NFIB: variants seen among roughly 807,000 people sequenced by gnomAD.
The protein encoded by NFIB is nuclear factor I B.
Under a neutral mutation model 61.5 loss-of-function variants are expected in NFIB, and 11 were observed. The observed-to-expected ratio is 0.18, with a 90% confidence interval of 0.11 to 0.30. NFIB has a LOEUF of 0.30. NFIB is among the 10% of genes least tolerant of loss of function. NFIB has a pLI of 1.00. For missense variants in NFIB, 471 were observed against 608.9 expected, an observed-to-expected ratio of 0.77 and a Z score of 2.38; for synonymous variants, 260 against 216.5, an observed-to-expected ratio of 1.20 and a Z score of -1.76.
chr9:14,461,474 C>G, the NFIB span, among the ~76,000 whole-genome samples: 3 of 152,188 alleles, frequency 2.0e-5, no homozygotes, highest in African/African-American at 7.2e-5. Flanking sequence ...CCTCTATCAG[C>G]AGCAGGCAGG....
chr9:14,365,838 T>C (rs1408034622), intron 1 of NFIB, among the ~76,000 whole-genome samples: 1 of 152,106 alleles, frequency 6.6e-6, no homozygotes, highest in Non-Finnish European at 1.5e-5. Context: ...TGATCTAACG[T>C]GAGACCAAAA....
At chr9:14,108,857 G>C (rs1307663614) in intron 10 of NFIB, among the ~76,000 whole-genome samples, 1 of 152,042 alleles carries the variant, frequency 6.6e-6, no homozygotes, top group Non-Finnish European at 1.5e-5. Flanking sequence ...ATACATCAAA[G>C]GTTAATATGT....
At chr9:14,478,020 T>G in the NFIB span, among the ~76,000 whole-genome samples, 1 of 152,124 alleles carries the variant, frequency 6.6e-6, no homozygotes, top group Non-Finnish European at 1.5e-5. Context: ...CTACATATTT[T>G]CAAAGATTTG....
intron 5 of NFIB, 125 bp downstream of exon 5, chr9:14,150,020 T>C: frequency 1.5e-6 from 2 of 1,326,700 alleles, no homozygotes; most frequent in South Asian, 3.0e-5. Flanking sequence ...ATTAAAAATC[T>C]GTGTACTACC....
chr9:14,372,800 TG>T (rs2061373328), intron 1 of NFIB, among the ~76,000 whole-genome samples: 1 of 152,214 alleles, frequency 6.6e-6, no homozygotes. Flanking sequence ...TCAAGCAAAA[TG>T]TAATTCTTGA....
chr9:14,516,378 T>C, the NFIB span, among the ~76,000 whole-genome samples: 3 of 152,226 alleles, frequency 2.0e-5, no homozygotes, highest in Non-Finnish European at 4.4e-5. Context: ...AGGAGTTTAA[T>C]TCTGTTACCT....
chr9:14,175,708 A>C (rs969470123), intron 3 of NFIB, among the ~76,000 whole-genome samples: 3 of 152,196 alleles, frequency 2.0e-5, no homozygotes, highest in African/African-American at 7.2e-5. Context: ...ACCTACAAAA[A>C]GGAAAGTAGC....
At chr9:14,442,392 A>G in the NFIB span, among the ~76,000 whole-genome samples, 1 of 152,230 alleles carries the variant, frequency 6.6e-6, no homozygotes, top group Non-Finnish European at 1.5e-5. Flanking sequence ...AATGAGCAAG[A>G]GCAAAAAATG....
chr9:14,392,718 C>CAA (rs59484635), intron 1 of NFIB, among the ~76,000 whole-genome samples: 2 of 122,810 alleles, frequency 1.6e-5, no homozygotes, highest in African/African-American at 8.6e-5. Context: ...GACCTTGTCT[C>CAA]AAAAAAAAAA....
chr9:14,114,239 T>C (rs934131328), intron 9 of NFIB, among the ~76,000 whole-genome samples: 1 of 152,166 alleles, frequency 6.6e-6, no homozygotes, highest in Admixed American at 6.5e-5. Flanking sequence ...TGCTCCTGAA[T>C]AAGGGGACAT....
At chr9:14,388,997 G>C (rs1279810065) in intron 1 of NFIB, among the ~76,000 whole-genome samples, 3 of 152,284 alleles carry the variant, frequency 2.0e-5, no homozygotes, top group African/African-American at 7.2e-5. Flanking sequence ...CTTAAGGGTT[G>C]GGGCCTGGAC....
Position 14,147,135 on chromosome 9 carries a change from T to C in NFIB, c.807-328A>G, listed in dbSNP as rs1383554696. Among the ~76,000 whole-genome samples the C allele has an allele frequency of 3.3e-5, 5 of 152,222 alleles. 1 individual carries two copies. In the East Asian group the frequency reaches 5.8e-4, roughly 18 times the overall value. On this transcript the variant is annotated intron_variant, in intron 5 of 10. Transcript: ENST00000380953. ...GCCTTCTAACATTAAAATTGTGTTATTGTGTACCTGACTCATTATTATTAT... is the reference window on the plus strand; with the variant it reads ...GCCTTCTAACATTAAAATTGTGTTACTGTGTACCTGACTCATTATTATTAT...
chr9:14,515,258 G>A, the NFIB span, among the ~76,000 whole-genome samples: 1 of 152,116 alleles, frequency 6.6e-6, no homozygotes, highest in African/African-American at 2.4e-5. Flanking sequence ...ATCAGATGGA[G>A]GAAGTGGGTT....
At chr9:14,500,046 C>T in the NFIB span, among the ~76,000 whole-genome samples, 1 of 152,190 alleles carries the variant, frequency 6.6e-6, no homozygotes, top group Non-Finnish European at 1.5e-5. Context: ...AATTCAGGGT[C>T]TGCAACCTGC....
At chr9:14,422,504 T>G in the NFIB span, among the ~76,000 whole-genome samples, 1 of 152,220 alleles carries the variant, frequency 6.6e-6, no homozygotes, top group African/African-American at 2.4e-5. Context: ...GCTGGAACTC[T>G]TTCAATTGCA....
At chr9:14,206,496 A>G (rs1401042882) in intron 2 of NFIB, among the ~76,000 whole-genome samples, 1 of 151,762 alleles carries the variant, frequency 6.6e-6, no homozygotes, top group Non-Finnish European at 1.5e-5. Context: ...ACTTGAGCTA[A>G]TTTCTTTCCT....
chr9:14,300,003 C>G (rs1159823078), intron 2 of NFIB, among the ~76,000 whole-genome samples: 1 of 152,196 alleles, frequency 6.6e-6, no homozygotes, highest in Non-Finnish European at 1.5e-5. Context: ...AACGTTCAAT[C>G]TAATACAAGC....
chr9:14,382,860 A>C (rs2061504609), intron 1 of NFIB, among the ~76,000 whole-genome samples: 1 of 152,226 alleles, frequency 6.6e-6, no homozygotes, highest in Admixed American at 6.5e-5. Flanking sequence ...AGAAAAAGCA[A>C]GCAAATAAAG....
At chr9:14,399,572 A>G (rs1312206473), upstream of NFIB, among the ~76,000 whole-genome samples, 3 of 152,204 alleles carry the variant, frequency 2.0e-5, no homozygotes, top group African/African-American at 7.2e-5. Flanking sequence ...TAACGTTGCA[A>G]AGAATTATAA....
Sources: allele counts gnomAD v4.1 joint callset (sites outside exome capture counted in the v4.1 genomes callset), GRCh38; gene constraint gnomAD v4.1.1; transcripts MANE v1.5; gene names NCBI Gene and HGNC (gene_info 2026-07-23, HGNC 2026-07-21).